Variants in RABGAP1L observed in about 807,000 individuals in gnomAD.
RABGAP1L encodes RAB GTPase activating protein 1 like.
A neutral mutation model predicts 137.7 loss-of-function variants in RABGAP1L; 63 were observed. That is an observed-to-expected ratio of 0.46 (90% confidence interval 0.37 to 0.56). The LOEUF (loss-of-function observed/expected upper bound fraction) is 0.56. Ranked by LOEUF, RABGAP1L falls within the 20% of genes least tolerant of loss-of-function variation. RABGAP1L has a pLI of 0.00. For missense variants in RABGAP1L, 1,095 were observed against 1,244.0 expected (o/e 0.88, Z 1.80); for synonymous variants, 431 against 433.7 (o/e 0.99, Z 0.08).
chr1:174,178,644 A>C (rs1450759057), intron 1 of RABGAP1L, among the ~76,000 whole-genome samples: 5 of 152,218 alleles, frequency 3.3e-5, no homozygotes, highest in African/African-American at 1.2e-4. Context: ...ATGGAATACT[A>C]TGCAGCCATA....
At chr1:174,579,393 G>A (rs1407105351) in intron 13 of RABGAP1L, among the ~76,000 whole-genome samples, 1 of 152,094 alleles carries the variant, frequency 6.6e-6, no homozygotes, top group Admixed American at 6.5e-5. Context: ...TTGTCTGAGG[G>A]TCCTTGAATG....
intron 13 of RABGAP1L, among the ~76,000 whole-genome samples, chr1:174,541,748 C>T (rs1406516277): frequency 1.3e-5 from 2 of 152,034 alleles, no homozygotes; most frequent in African/African-American, 4.8e-5. Flanking sequence ...TGCACTCCAG[C>T]CTGGGTGACA....
intron 17 of RABGAP1L, among the ~76,000 whole-genome samples, chr1:174,732,213 A>AAAAAG (rs1682544077): frequency 6.6e-6 from 1 of 151,512 alleles, no homozygotes; most frequent in African/African-American, 2.4e-5. Flanking sequence ...AAAAAAAAAA[A>AAAAAG]CATGGATTGT....
chr1:174,603,584 A>G (rs1670571191), intron 13 of RABGAP1L, among the ~76,000 whole-genome samples: 2 of 152,162 alleles, frequency 1.3e-5, no homozygotes, highest in Admixed American at 1.3e-4. Context: ...ACCACAAGAC[A>G]AAGTCTTTCC....
intron 17 of RABGAP1L, among the ~76,000 whole-genome samples, chr1:174,712,302 C>T (rs1269720771): frequency 6.6e-6 from 1 of 152,206 alleles, no homozygotes; most frequent in Non-Finnish European, 1.5e-5. Flanking sequence ...GCTGCTCAGT[C>T]TTTGGGTCCG....
Position 174,381,316 on chromosome 1 carries a change from A to G in RABGAP1L, c.1559+10244A>G, listed in dbSNP as rs1298358636. On this transcript the variant is annotated intron_variant, in intron 12 of 25. Coordinates refer to ENST00000681986, the MANE Select transcript of RABGAP1L (RefSeq NM_001366446.1). ...GATGTCTATTAGGTCCACTTGGTGC[A>G]GAGCTGAGTTCAATTCCTGGGTATC... 2.0e-5 allele frequency among the ~76,000 whole-genome samples: 3 copies of G among 146,570 alleles called. 1 individual carries two copies. In the East Asian group the frequency reaches 6.0e-4, roughly 29 times the overall value.
intron 13 of RABGAP1L, among the ~76,000 whole-genome samples, chr1:174,629,661 T>A (rs1048635877): frequency 5.9e-5 from 9 of 152,144 alleles, no homozygotes; most frequent in Admixed American, 5.9e-4. Context: ...TAGCTGGGAT[T>A]ACAGGCATGT....
intron 19 of RABGAP1L, among the ~76,000 whole-genome samples, chr1:174,907,785 G>A (rs1659355469): frequency 6.6e-6 from 1 of 152,090 alleles, no homozygotes; most frequent in South Asian, 2.1e-4. Context: ...CCACAAGACA[G>A]GCAACAAGTG....
intron 19 of RABGAP1L, among the ~76,000 whole-genome samples, chr1:174,931,013 T>G (rs555369792): frequency 6.6e-6 from 1 of 152,042 alleles, no homozygotes. Context: ...GTAGTGGGAT[T>G]TTTTTTTGTT....
At chr1:174,950,481 G>A (rs1292506219) in intron 19 of RABGAP1L, among the ~76,000 whole-genome samples, 1 of 152,110 alleles carries the variant, frequency 6.6e-6, no homozygotes, top group African/African-American at 2.4e-5. Context: ...TCCTCTTGAT[G>A]GATGCCTTCT....
chr1:174,226,308 C>T (rs1670171239), intron 3 of RABGAP1L, among the ~76,000 whole-genome samples: 1 of 152,168 alleles, frequency 6.6e-6, no homozygotes, highest in African/African-American at 2.4e-5. Context: ...CGCCTGTAAT[C>T]CCAGCGCTTT....
intron 13 of RABGAP1L, among the ~76,000 whole-genome samples, chr1:174,489,055 A>T (rs967467261): frequency 2.6e-5 from 4 of 151,836 alleles, no homozygotes; most frequent in African/African-American, 9.7e-5. Flanking sequence ...GCTCAGAATG[A>T]TGGTTTCTAG....
chr1:174,609,282 T>C (rs116677285), intron 13 of RABGAP1L, among the ~76,000 whole-genome samples: 1,917 of 152,248 alleles, frequency 0.013, 14 homozygotes, highest in Non-Finnish European at 0.02. Flanking sequence ...AAATGGCAAC[T>C]TAATACTTAA....
At position 174,370,969 on chromosome 1, in the gene RABGAP1L, T is replaced by C; in HGVS notation, c.1466-10T>C. 1 of 1,428,700 alleles carries C rather than the reference T, an allele frequency of 7.0e-7. No individual in the cohort carries two copies. Among genetic ancestry groups the C allele is most frequent in the South Asian group, 1.7e-5 (1 of 58,174 alleles). 88.5% of individuals were successfully genotyped at this position (1,428,700 alleles called of 1,614,324 possible). ...AATAATGTTTGTTGGTTTTTGCGTT[T>C]CTTCTGCAGAGAGTGATAATGAACT... On this transcript the variant is annotated splice_polypyrimidine_tract_variant and intron_variant, in intron 11 of 25. Coordinates refer to ENST00000681986, the MANE Select transcript of RABGAP1L (RefSeq NM_001366446.1).
intron 4 of RABGAP1L, among the ~76,000 whole-genome samples, chr1:174,236,578 T>A (rs1276339226): frequency 1.3e-5 from 2 of 151,812 alleles, no homozygotes; most frequent in Non-Finnish European, 2.9e-5. Context: ...GTTGAGTGAT[T>A]TTGAGTGAGT....
At chr1:174,481,666 T>C (rs1472870926) in intron 13 of RABGAP1L, among the ~76,000 whole-genome samples, 1 of 152,070 alleles carries the variant, frequency 6.6e-6, no homozygotes, top group East Asian at 1.9e-4. Context: ...AGGAGAGAAA[T>C]CATCACTGTA....
chr1:174,472,019 T>C (rs1218004480), intron 13 of RABGAP1L, among the ~76,000 whole-genome samples: 1 of 152,192 alleles, frequency 6.6e-6, no homozygotes, highest in Non-Finnish European at 1.5e-5. Flanking sequence ...ATGCTGTGTA[T>C]AAGCCACCAT....
intron 20 of RABGAP1L, among the ~76,000 whole-genome samples, chr1:174,961,284 C>T (rs12135849): frequency 1.3e-5 from 2 of 152,182 alleles, no homozygotes; most frequent in Non-Finnish European, 2.9e-5. Flanking sequence ...CCAGAAGACA[C>T]ACATTTATCA....
intron 13 of RABGAP1L, among the ~76,000 whole-genome samples, chr1:174,484,843 G>T (rs1445820687): frequency 6.6e-6 from 1 of 152,096 alleles, no homozygotes; most frequent in Non-Finnish European, 1.5e-5. Flanking sequence ...CTGAGTTTCT[G>T]TGCTGTCATG....
Sources: allele counts gnomAD v4.1 joint callset (sites outside exome capture counted in the v4.1 genomes callset), GRCh38; gene constraint gnomAD v4.1.1; transcripts MANE v1.5; gene names NCBI Gene and HGNC (gene_info 2026-07-23, HGNC 2026-07-21).